Variants in TARBP2 observed in about 807,000 individuals in gnomAD.
The protein encoded by TARBP2 is RISC-loading complex subunit TARBP2.
Under a neutral mutation model 40.4 loss-of-function variants are expected in TARBP2, and 23 were observed. The observed-to-expected ratio is 0.57, with a 90% CI of 0.41 to 0.81. TARBP2 has a LOEUF of 0.81. Ranked by LOEUF, TARBP2 falls within the 30% of genes least tolerant of loss-of-function variation. The probability of loss-of-function intolerance (pLI) is 0.00; values close to 1 mark genes in which losing one functional copy is unlikely to be tolerated. For missense variants in TARBP2, 358 were observed against 473.7 expected (o/e 0.76, Z 2.27); for synonymous variants, 183 against 190.5 (o/e 0.96, Z 0.32).
At position 53,501,479 on chromosome 12, in the gene TARBP2, G is replaced by A. The variant is rs997931385; in HGVS notation, c.53+18G>A. The A allele has an allele frequency of 6.4e-7, 1 of 1,560,092 alleles. No homozygotes were observed. Among genetic ancestry groups the A allele is most frequent in the Non-Finnish European group, 8.7e-7 (1 of 1,151,814 alleles). On this transcript the variant is annotated intron_variant, in intron 1 of 8. Coordinates refer to ENST00000266987, the MANE Select transcript of TARBP2 (RefSeq NM_134323.2). ...CTGCCTAGGTGAGCCGTCTCGTACC[G>A]ATTCCTTCAGGGCGAAAAGCGTGGG...
intron 2 of TARBP2, 125 bp from the exon 3 acceptor site, chr12:53,502,902 A>AG (rs1943783415): frequency 2.3e-6 from 2 of 880,812 alleles, no homozygotes; most frequent in Non-Finnish European, 3.3e-6. Context: ...AGTCTTCAGC[A>AG]GGGGGAGGTT....
chr12:53,503,517 C>T, intron 3 of TARBP2, 196 bp from the exon 4 acceptor site: 1 of 594,964 alleles, frequency 1.7e-6, no homozygotes, highest in African/African-American at 1.9e-5. Flanking sequence ...CTCTGAGACT[C>T]TCTTTTCTCA....
intron 3 of TARBP2, chr12:53,503,347 A>C: frequency 1.8e-6 from 2 of 1,124,988 alleles, no homozygotes; most frequent in South Asian, 2.0e-5. Context: ...GGGTTGTGGC[A>C]GTAGGTTGGG....
chr12:53,503,655 ACCC>A (rs1457781151), intron 3 of TARBP2, 55 bp from the exon 4 acceptor site: 1 of 1,301,994 alleles, frequency 7.7e-7, no homozygotes, highest in Non-Finnish European at 1.1e-6. Flanking sequence ...TGGGTCCCCC[ACCC>A]CTCTCTTCCC....
At chr12:53,503,230 T>C in intron 3 of TARBP2, 101 bp downstream of exon 3, 1 of 1,430,870 alleles carries the variant, frequency 7.0e-7, no homozygotes, top group Admixed American at 2.9e-5. Flanking sequence ...TTAGCCACCC[T>C]GACCTGGCCT....
chr12:53,501,538 A>G (rs1219975002), intron 1 of TARBP2, 77 bp downstream of exon 1: 9 of 1,545,408 alleles, frequency 5.8e-6, no homozygotes, highest in Non-Finnish European at 7.9e-6. Flanking sequence ...CGGCCCCAGC[A>G]TGCACCTGGC....
In TARBP2 at chr12:53,503,716, T is replaced by G. The variant is rs760147843; in HGVS notation, c.330T>G (p.Ser110=). Residue 110 remains serine (S), a synonymous_variant, in exon 4 of 9, where the codon TCT becomes TCG. Coordinates refer to ENST00000266987, the MANE Select transcript of TARBP2 (RefSeq NM_134323.2). ...MLEPALEDSS[S]FSPLDSSLPE... ...AGGCCCCCTTCCCCTCGGGAAGTTC[T>G]TTTTCTCCCCTAGACTCTTCACTGC... 8.1e-6 allele frequency: 13 copies of G among 1,613,034 alleles called. No homozygotes were observed. The highest frequency in any genetic ancestry group is 1.1e-5 in the Non-Finnish European group (13 of 1,179,188).
rs779422499 is a variant in TARBP2, at chr12:53,501,363, C to A, written c.-46C>A. ...AGCTCGTCGGCTGTGTATTGGGGCG[C>A]GTGGAGGCTGCAGTCACGGTGGCGC... On this transcript the variant is annotated 5_prime_UTR_variant, in exon 1 of 9. Transcript: ENST00000266987. The A allele has an allele frequency of 1.2e-5, 19 of 1,550,518 alleles. No individual in the cohort carries two copies. In the East Asian group the frequency reaches 4.6e-4, roughly 38 times the overall value.
chr12:53,503,469 G>C, intron 3 of TARBP2: 1 of 574,786 alleles, frequency 1.7e-6, no homozygotes, highest in Non-Finnish European at 3.0e-6. Flanking sequence ...GTTGGAGTTT[G>C]TTGCTCCTCT....
chr12:53,502,465 A>G lies in TARBP2; in HGVS notation c.223+281A>G. 9.2e-6 allele frequency: 4 copies of G among 432,588 alleles called. No individual in the cohort carries two copies. In the South Asian group the frequency reaches 1.1e-4, roughly 11 times the overall value. 26.8% of individuals were successfully genotyped at this position (432,588 alleles called of 1,614,324 possible). ...AAGATAACTGAAATCCCAGTGGAGT[A>G]TTTGGGGGAGTGAGTGCCTGGCGTG... On this transcript the variant is annotated intron_variant, in intron 2 of 8. Coordinates refer to ENST00000266987, the MANE Select transcript of TARBP2 (RefSeq NM_134323.2).
intron 3 of TARBP2, chr12:53,503,331 A>G (rs1943806180): frequency 4.0e-6 from 5 of 1,259,612 alleles, no homozygotes; most frequent in Non-Finnish European, 5.3e-6. Context: ...GGTTAGCCCC[A>G]TAGAGGGGTT....
chr12:53,505,912 G>A lies in TARBP2; in HGVS notation c.943+62G>A. On this transcript the variant is annotated intron_variant, in intron 8 of 8. Coordinates refer to ENST00000266987, the MANE Select transcript of TARBP2 (RefSeq NM_134323.2). The surrounding 1 kb of genome is among the most constrained non-coding windows in gnomAD (Gnocchi z 4.5). ...GGGCTGGACCGGAGCAAGTAGAAGG[G>A]GGTGATGATAACGTGAACGCACCCC... 1 of 1,605,612 alleles carries A rather than the reference G, an allele frequency of 6.2e-7. No homozygotes were observed. Among genetic ancestry groups the A allele is most frequent in the South Asian group, 1.1e-5 (1 of 90,864 alleles).
At position 53,506,256 on chromosome 12, in the gene TARBP2, T is replaced by A; in HGVS notation, c.*108T>A. 1 of 1,373,094 alleles carries A rather than the reference T, an allele frequency of 7.3e-7. No homozygotes were observed. The highest frequency in any genetic ancestry group is 9.8e-7 in the Non-Finnish European group (1 of 1,023,456). 85.1% of individuals were successfully genotyped at this position (1,373,094 alleles called of 1,614,324 possible). A position where few individuals can be genotyped will look rare whatever the true frequency, so the allele number is the denominator to read the frequency against. ...ACCCTCTGTGGGTGCCATCTCTACC[T>A]CTGACACAGACTGCCTGCCTTGAAG... On this transcript the variant is annotated 3_prime_UTR_variant, in exon 9 of 9. Transcript: ENST00000266987.
At position 53,504,434 on chromosome 12, in the gene TARBP2, C is replaced by CT; in HGVS notation, c.460_461insT (p.Gln154LeufsTer4). On this transcript the variant is annotated frameshift_variant, in exon 5 of 9. Transcript: ENST00000266987. LOFTEE classifies it high-confidence loss of function. ...GGAACTGCAGCCCCCTGTCTCCCCT[C>CT]AGCAGTCTGAGTGCAACCCCGTTGG... 6.2e-7 allele frequency: 1 copy of CT among 1,612,964 alleles called. No homozygotes were observed. Among genetic ancestry groups the CT allele is most frequent in the East Asian group, 2.2e-5 (1 of 44,872 alleles).
intron 2 of TARBP2, chr12:53,502,603 A>T (rs1383354641): frequency 3.0e-5 from 3 of 101,222 alleles, no homozygotes; most frequent in Non-Finnish European, 5.3e-5. Flanking sequence ...CCGCCCGCCC[A>T]TGTTGAATAT....
rs1325652397 is a variant in TARBP2 at position 53,501,367 on chromosome 12, G to C, written c.-42G>C. 1.3e-6 allele frequency: 2 copies of C among 1,552,472 alleles called. No homozygotes were observed. On this transcript the variant is annotated 5_prime_UTR_variant, in exon 1 of 9. Coordinates refer to ENST00000266987, the MANE Select transcript of TARBP2 (RefSeq NM_134323.2). ...CGTCGGCTGTGTATTGGGGCGCGTG[G>C]AGGCTGCAGTCACGGTGGCGCCCGC...
upstream of TARBP2, chr12:53,501,211 G>C (rs1943684387): frequency 1.3e-5 from 8 of 609,730 alleles, no homozygotes; most frequent in Non-Finnish European, 2.3e-5. Flanking sequence ...CGCACGCAGA[G>C]GGTTGTGGGG....
rs1943690288 is a variant in TARBP2, at chr12:53,501,328, C to T, written c.-81C>T. The T allele has an allele frequency of 1.3e-6, 2 of 1,505,332 alleles. No individual in the cohort carries two copies. The highest frequency in any genetic ancestry group is 1.2e-5 in the South Asian group (1 of 82,066). The allele number at this position is 1,505,332 out of a possible 1,614,324, so 93.2% of individuals were successfully genotyped here. On this transcript the variant is annotated 5_prime_UTR_variant, in exon 1 of 9. Transcript: ENST00000266987. ...CTACCGGCCGCGACTCCGGGCTTGG[C>T]CCCGGCCCTAGCTCGTCGGCTGTGT...
rs1272104553 is a variant in TARBP2, at chr12:53,505,486, GC to G, written c.742-160del. 1.6e-4 allele frequency among the ~76,000 whole-genome samples: 24 copies of G among 152,284 alleles called. No homozygotes were observed. The East Asian group carries it at 4.4e-3, about 28-fold the overall frequency. ...GTGAGGAGGGATCCCTGGCCATCTGGCCCAGGGCCTGGTAGTTAGAAGGGGC... is the reference window on the plus strand; with the variant it reads ...GTGAGGAGGGATCCCTGGCCATCTGGCCAGGGCCTGGTAGTTAGAAGGGGC... On this transcript the variant is annotated intron_variant, in intron 7 of 8. Coordinates refer to ENST00000266987, the MANE Select transcript of TARBP2 (RefSeq NM_134323.2). The surrounding 1 kb of genome is among the most constrained non-coding windows in gnomAD (Gnocchi z 4.5).
Sources: allele counts gnomAD v4.1 joint callset (sites outside exome capture counted in the v4.1 genomes callset), GRCh38; gene constraint gnomAD v4.1.1; non-coding constraint Gnocchi (gnomAD v3.1); transcripts MANE v1.5; gene names NCBI Gene and HGNC (gene_info 2026-07-23, HGNC 2026-07-21).